GALR1: variants seen among roughly 807,000 people sequenced by gnomAD.
GALR1 encodes galanin receptor type 1.
GALR1 carries 11 observed loss-of-function variants against 17.9 expected under a neutral mutation model. That is an observed-to-expected ratio of 0.62 (90% CI 0.39 to 1.02). GALR1 has a LOEUF of 1.02. Ranked by LOEUF, GALR1 falls within the 50% of genes least tolerant of loss-of-function variation. GALR1 has a pLI of 0.01. For missense variants in GALR1, 441 were observed against 456.9 expected (o/e 0.97, Z 0.32); for synonymous variants, 206 against 205.7 (o/e 1.00, Z -0.01).
At chr18:77,265,084 G>A (rs1912917476) in intron 2 of GALR1, among the ~76,000 whole-genome samples, 2 of 152,146 alleles carry the variant, frequency 1.3e-5, no homozygotes, top group Admixed American at 1.3e-4. Flanking sequence ...AACAGTCTGA[G>A]TTCAAAGTCT....
chr18:77,258,653 AGTGGTG>A (rs1359559039), intron 2 of GALR1, among the ~76,000 whole-genome samples: 1 of 42,138 alleles, frequency 2.4e-5, no homozygotes, highest in African/African-American at 8.1e-5. Flanking sequence ...TGGTGGTCAT[AGTGGTG>A]GTGGTGGTGG....
In GALR1 at chr18:77,276,505, T is replaced by G. The variant is rs1172529747; in HGVS notation, c.*7603T>G. Reference sequence around the variant, plus strand: ...GCATCAGAATCACCTGCAGAGCTTGTTGAATGCAGATTGTTGGCCACATCT... The same window carrying G: ...GCATCAGAATCACCTGCAGAGCTTGGTGAATGCAGATTGTTGGCCACATCT... On this transcript the variant is annotated 3_prime_UTR_variant, in exon 3 of 3. Transcript: ENST00000299727. The G allele has an allele frequency of 6.6e-6, 1 of 152,230 alleles. No individual in the cohort carries two copies. The highest frequency in any genetic ancestry group is 6.5e-5 in the Admixed American group (1 of 15,286). The allele number at this position is 152,230 out of a possible 1,614,324, so 9.4% of individuals were successfully genotyped here.
At position 77,276,109 on chromosome 18, in the gene GALR1, G is replaced by T. The variant is rs966301061; in HGVS notation, c.*7207G>T. 1.3e-5 allele frequency: 2 copies of T among 152,010 alleles called. No homozygotes were observed. The highest frequency in any genetic ancestry group is 4.8e-5 in the African/African-American group (2 of 41,384). The allele number at this position is 152,010 out of a possible 1,614,324, so 9.4% of individuals were successfully genotyped here. ...TGTAAATGTTAGTTTTCATATTTTG[G>T]TTTTCTAAGAGTCACATTTTATTGC... On this transcript the variant is annotated 3_prime_UTR_variant, in exon 3 of 3. Coordinates refer to ENST00000299727, the MANE Select transcript of GALR1 (RefSeq NM_001480.4).
rs1021438744 is a variant in GALR1, at chr18:77,276,002, T to C, written c.*7100T>C. The C allele has an allele frequency of 5.3e-5, 8 of 152,196 alleles. No individual in the cohort carries two copies. The highest frequency in any genetic ancestry group is 1.7e-4 in the African/African-American group (7 of 41,440). The allele number at this position is 152,196 out of a possible 1,614,324, so 9.4% of individuals were successfully genotyped here. On this transcript the variant is annotated 3_prime_UTR_variant, in exon 3 of 3. Coordinates refer to ENST00000299727, the MANE Select transcript of GALR1 (RefSeq NM_001480.4). ...AGATATTTTCAAAATAGGGCTAGCA[T>C]GTATAAAGAATCAAACTTAGTCATT...
intron 2 of GALR1, among the ~76,000 whole-genome samples, chr18:77,264,351 TTCC>T (rs1912900353): frequency 6.6e-6 from 1 of 152,132 alleles, no homozygotes; most frequent in Non-Finnish European, 1.5e-5. Context: ...TGTCTTAGTC[TTCC>T]CTCCATGTGA....
intron 1 of GALR1, among the ~76,000 whole-genome samples, chr18:77,252,938 C>T (rs202002644): frequency 0.04 from 1,834 of 45,358 alleles, 43 homozygotes; most frequent in African/African-American, 0.062. Context: ...ACCACCACCA[C>T]CACCACCACC....
Position 77,256,144 on chromosome 18 carries a change from T to C in GALR1, c.667-14T>C. The C allele has an allele frequency of 6.5e-7, 1 of 1,547,070 alleles. No homozygotes were observed. The highest frequency in any genetic ancestry group is 8.9e-7 in the Non-Finnish European group (1 of 1,119,656). On this transcript the variant is annotated splice_polypyrimidine_tract_variant and intron_variant, in intron 1 of 2. Transcript: ENST00000299727. The stretch of plus-strand genomic sequence containing the variant: ...AGGTGAGGCGAACTGATTTCAATAG[T>C]CTGTGTCTTTCAGGTCCTTAATCAC...
At position 77,256,161 on chromosome 18, in the gene GALR1, CT is replaced by C; in HGVS notation, c.672del (p.Asn225IlefsTer7). On this transcript the variant is annotated frameshift_variant, in exon 2 of 3. Coordinates refer to ENST00000299727, the MANE Select transcript of GALR1 (RefSeq NM_001480.4). LOFTEE classifies it high-confidence loss of function. ...TTCAATAGTCTGTGTCTTTCAGGTC[CT>C]TAATCACTTGCATAAAAAGTTGAAG... ...LLICFCYAKV[L>X]NHLHKKLKNM... 1 of 1,596,678 alleles carries C rather than the reference CT, an allele frequency of 6.3e-7. No individual in the cohort carries two copies. Among genetic ancestry groups the C allele is most frequent in the Non-Finnish European group, 8.6e-7 (1 of 1,164,454 alleles).
intron 2 of GALR1, among the ~76,000 whole-genome samples, chr18:77,256,466 G>A (rs1912592607): frequency 6.6e-6 from 1 of 150,434 alleles, no homozygotes; most frequent in African/African-American, 2.5e-5. Context: ...ATGAGGAAAT[G>A]CGGATTCTGC....
At position 77,251,120 on chromosome 18, in the gene GALR1, G is replaced by A. The variant is rs746295596; in HGVS notation, c.572G>A (p.Trp191Ter). 12 of 1,612,896 alleles carry A rather than the reference G, an allele frequency of 7.4e-6. No individual in the cohort carries two copies. The highest frequency in any genetic ancestry group is 1.0e-5 in the Non-Finnish European group (12 of 1,179,928). Reference sequence around the variant, plus strand: ...AACCAGACCTTCTGCTGGGAGCAGTGGCCCGACCCTCGCCACAAGAAGGCC... The same window carrying A: ...AACCAGACCTTCTGCTGGGAGCAGTAGCCCGACCCTCGCCACAAGAAGGCC... ...ASNQTFCWEQ[W>*]PDPRHKKAYV... The change falls in exon 1 of 3, where the codon TGG becomes TAG. Residue 191 changes from tryptophan (W) to a stop codon, truncating the protein, a stop_gained. Transcript: ENST00000299727. LOFTEE classifies it high-confidence loss of function.
In GALR1 at chr18:77,276,701, G is replaced by A. The variant is rs903615611; in HGVS notation, c.*7799G>A. 3.9e-5 allele frequency: 6 copies of A among 152,292 alleles called. No individual in the cohort carries two copies. Among genetic ancestry groups the A allele is most frequent in the African/African-American group, 7.2e-5 (3 of 41,566 alleles). The allele number at this position is 152,292 out of a possible 1,614,324, so 9.4% of individuals were successfully genotyped here. On this transcript the variant is annotated 3_prime_UTR_variant, in exon 3 of 3. Coordinates refer to ENST00000299727, the MANE Select transcript of GALR1 (RefSeq NM_001480.4). ...CAGAGCAGATAACCAATCAAATTGA[G>A]CAGATGGTCTTTTAAAGTCTAAGCT... is the stretch of plus-strand genomic sequence containing the variant.
chr18:77,269,483 G>A lies in GALR1; in HGVS notation c.*581G>A, dbSNP rs1913017880. On this transcript the variant is annotated 3_prime_UTR_variant, in exon 3 of 3. Transcript: ENST00000299727. ...CTTCCAATTGTAGCTAGCGCACAGA[G>A]CTTTGGAAGCCTGTCATTATGAGAT... 1 of 152,560 alleles carries A rather than the reference G, an allele frequency of 6.6e-6. No individual in the cohort carries two copies. Among genetic ancestry groups the A allele is most frequent in the Non-Finnish European group, 1.5e-5 (1 of 68,360 alleles). The allele number at this position is 152,560 out of a possible 1,614,324, so 9.5% of individuals were successfully genotyped here. A position where few individuals can be genotyped will look rare whatever the true frequency, so the allele number is the denominator to read the frequency against.
rs143267066 is a variant in GALR1 at position 77,273,364 on chromosome 18, G to C, written c.*4462G>C. 1 of 152,310 alleles carries C rather than the reference G, an allele frequency of 6.6e-6. No individual in the cohort carries two copies. Among genetic ancestry groups the C allele is most frequent in the East Asian group, 1.9e-4 (1 of 5,184 alleles). 9.4% of individuals were successfully genotyped at this position (152,310 alleles called of 1,614,324 possible). On this transcript the variant is annotated 3_prime_UTR_variant, in exon 3 of 3. Transcript: ENST00000299727. ...ATGAATAAGAAGGGAAGGTGGGGCC[G>C]GGCATGTGACTTATGCCTGTAATCC...
chr18:77,268,677 C>G lies in GALR1; in HGVS notation c.825C>G (p.Phe275Leu). 1 of 1,614,116 alleles carries G rather than the reference C, an allele frequency of 6.2e-7. No individual in the cohort carries two copies. Among genetic ancestry groups the G allele is most frequent in the Non-Finnish European group, 8.5e-7 (1 of 1,180,010 alleles). Residue 275 changes from phenylalanine to leucine, a missense_variant, in exon 3 of 3, where the codon TTC (phenylalanine) becomes TTG (leucine). Physicochemically the swap from Phe to Leu is conservative, Grantham distance 22. Transcript: ENST00000299727. The part of the protein sequence containing the change: ...IIHLWAEFGV[F>L]PLTPASFLFR... ...ATCTCTGGGCTGAGTTTGGAGTTTT[C>G]CCGCTGACGCCGGCTTCCTTCCTCT...
chr18:77,261,263 CAAT>C (rs1912825113), intron 2 of GALR1, among the ~76,000 whole-genome samples: 1 of 152,170 alleles, frequency 6.6e-6, no homozygotes, highest in Non-Finnish European at 1.5e-5. Flanking sequence ...TAATTTTAAA[CAAT>C]AATTTTTTCT....
At chr18:77,259,597 T>G (rs1912780764) in intron 2 of GALR1, among the ~76,000 whole-genome samples, 1 of 142,186 alleles carries the variant, frequency 7.0e-6, no homozygotes, top group Non-Finnish European at 1.5e-5. Context: ...TGGTGGCGAT[T>G]GTGATGGTGA....
rs1163359187 is a variant in GALR1 at position 77,272,074 on chromosome 18, C to T, written c.*3172C>T. Reference sequence around the variant, plus strand: ...ATTGGGAGTAAAACCATTTCCGCCCCATCCCAATCTCTTGTGCTTTTATCT... The same window carrying T: ...ATTGGGAGTAAAACCATTTCCGCCCTATCCCAATCTCTTGTGCTTTTATCT... On this transcript the variant is annotated 3_prime_UTR_variant, in exon 3 of 3. Transcript: ENST00000299727. The T allele has an allele frequency of 2.0e-5, 3 of 152,174 alleles. No homozygotes were observed. The highest frequency in any genetic ancestry group is 2.9e-5 in the Non-Finnish European group (2 of 68,032). The allele number at this position is 152,174 out of a possible 1,614,324, so 9.4% of individuals were successfully genotyped here.
chr18:77,268,834 C>T lies in GALR1; in HGVS notation c.982C>T (p.Leu328=). 6.2e-7 allele frequency: 1 copy of T among 1,613,762 alleles called. No homozygotes were observed. The highest frequency in any genetic ancestry group is 1.6e-4 in the Middle Eastern group (1 of 6,062). ...GTGTCACATTCGCAAAGATTCACAC[C>T]TGAGTGATACTAAAGAAAGTAAAAG... The part of the protein sequence containing the change: ...FKCHIRKDSH[L]SDTKESKSRI... Residue 328 remains leucine, a synonymous_variant, in exon 3 of 3, where the codon CTG becomes TTG. Coordinates refer to ENST00000299727, the MANE Select transcript of GALR1 (RefSeq NM_001480.4).
In GALR1 at chr18:77,250,436, C is replaced by T; in HGVS notation, c.-113C>T. The T allele has an allele frequency of 8.5e-7, 1 of 1,180,000 alleles. No homozygotes were observed. The highest frequency in any genetic ancestry group is 1.1e-6 in the Non-Finnish European group (1 of 891,868). The allele number at this position is 1,180,000 out of a possible 1,614,324, so 73.1% of individuals were successfully genotyped here. On this transcript the variant is annotated 5_prime_UTR_variant, in exon 1 of 3. Coordinates refer to ENST00000299727, the MANE Select transcript of GALR1 (RefSeq NM_001480.4). The stretch of plus-strand genomic sequence containing the variant: ...CGCGCCTCGGGGGAAGCTCAGACTC[C>T]TAAACTCGCACTCTCCGTGCTTTGC...
Sources: allele counts gnomAD v4.1 joint callset (sites outside exome capture counted in the v4.1 genomes callset), GRCh38; gene constraint gnomAD v4.1.1; transcripts MANE v1.5; gene names NCBI Gene and HGNC (gene_info 2026-07-23, HGNC 2026-07-21).